Variants in TRAPPC9 observed in about 807,000 individuals in gnomAD.
The protein encoded by TRAPPC9 is trafficking protein particle complex subunit 9, also known as IKK2 binding protein.
In TRAPPC9, 83 loss-of-function variants were observed where a neutral mutation model predicts 124.0. That is an observed-to-expected ratio of 0.67 (90% CI 0.56 to 0.80). TRAPPC9 has a LOEUF of 0.80. Among genes scored for constraint, TRAPPC9 ranks in the 30% least tolerant of loss-of-function variants. The pLI is 0.00. For synonymous variants in TRAPPC9, 638 were observed against 617.5 expected (o/e 1.03, Z -0.49); for missense variants, 1,302 against 1,508.3 (o/e 0.86, Z 2.27).
rs187756634 is a variant in TRAPPC9, at chr8:140,026,742, G to A, written c.2557-2663C>T. 2.6e-5 allele frequency among the ~76,000 whole-genome samples: 4 copies of A among 152,128 alleles called. No homozygotes were observed. In the East Asian group the frequency reaches 5.8e-4, roughly 22 times the overall value. Reference sequence around the variant, plus strand: ...ATATTTCATGACTACATATTGACAGGTTCCCTTCAATATTTGTACTGCCAG... The same window carrying A: ...ATATTTCATGACTACATATTGACAGATTCCCTTCAATATTTGTACTGCCAG... On this transcript the variant is annotated intron_variant, in intron 17 of 22. Coordinates refer to ENST00000438773, the MANE Select transcript of TRAPPC9 (RefSeq NM_001160372.4).
rs7841465 is a variant in TRAPPC9 at position 139,925,846 on chromosome 8, C to T, written c.2811-15546G>A. ...GCACACGCACACACACACACACACA[C>T]GTTTCAGATTTACCTCTGAGTTATG... On this transcript the variant is annotated intron_variant, in intron 19 of 22. Transcript: ENST00000438773. Among the ~76,000 whole-genome samples, 1,168 of 150,216 alleles carry T rather than the reference C, an allele frequency of 7.8e-3. 15 individuals carry two copies. The highest frequency in any genetic ancestry group is 0.027 in the African/African-American group (1,094 of 40,666).
rs1025231232 is a variant in TRAPPC9, at chr8:140,353,961, C to T, written c.1495+6089G>A. Among the ~76,000 whole-genome samples, 4 of 152,160 alleles carry T rather than the reference C, an allele frequency of 2.6e-5. No homozygotes were observed. The highest frequency in any genetic ancestry group is 2.1e-4 in the South Asian group (1 of 4,822). Reference sequence around the variant, plus strand: ...CTCTGACAGCGGCAGGCACAGGGCACGGGGAGCTCCCAGAGGGGGCACTGC... The same window carrying T: ...CTCTGACAGCGGCAGGCACAGGGCATGGGGAGCTCCCAGAGGGGGCACTGC... On this transcript the variant is annotated intron_variant, in intron 9 of 22. Transcript: ENST00000438773. The surrounding 1 kb of genome is among the most constrained non-coding windows in gnomAD (Gnocchi z 4.2).
intron 21 of TRAPPC9, among the ~76,000 whole-genome samples, chr8:139,829,774 TC>T (rs1359240625): frequency 6.6e-6 from 1 of 152,204 alleles, no homozygotes; most frequent in Non-Finnish European, 1.5e-5. Context: ...GGACATCTGC[TC>T]CTTACTGTCT....
intron 5 of TRAPPC9, among the ~76,000 whole-genome samples, chr8:140,423,682 A>ATATACACATATACACATG (rs2070317512): frequency 3.6e-5 from 2 of 54,962 alleles, no homozygotes; most frequent in East Asian, 1.1e-3. Flanking sequence ...ATATACACAT[A>ATATACACATATACACATG]TATACACATA....
At chr8:140,414,388 AC>A (rs1368184671) in intron 5 of TRAPPC9, among the ~76,000 whole-genome samples, 2 of 152,024 alleles carry the variant, frequency 1.3e-5, no homozygotes, top group Admixed American at 6.6e-5. Context: ...CTAAAACTTA[AC>A]CAGGCATGGT....
intron 18 of TRAPPC9, among the ~76,000 whole-genome samples, chr8:140,013,461 G>A (rs749773838): frequency 9.2e-5 from 14 of 152,182 alleles, no homozygotes; most frequent in African/African-American, 2.4e-4. Flanking sequence ...GCCACACATC[G>A]TTCACACTGC....
intron 21 of TRAPPC9, among the ~76,000 whole-genome samples, chr8:139,851,754 C>T (rs1168364716): frequency 6.6e-6 from 1 of 152,194 alleles, no homozygotes; most frequent in Non-Finnish European, 1.5e-5. Flanking sequence ...TGGCTGCATA[C>T]AGTACTTGCT....
At chr8:140,106,124 A>C (rs1197247375) in intron 17 of TRAPPC9, among the ~76,000 whole-genome samples, 2 of 151,934 alleles carry the variant, frequency 1.3e-5, no homozygotes, top group Non-Finnish European at 2.9e-5. Flanking sequence ...GGCTCAGCTC[A>C]ACCTTCAGAA....
intron 14 of TRAPPC9, among the ~76,000 whole-genome samples, chr8:140,282,883 CTTTT>C (rs2131704933): frequency 6.6e-6 from 1 of 152,178 alleles, no homozygotes; most frequent in South Asian, 2.1e-4. Flanking sequence ...CTTTTTCTTT[CTTTT>C]TTATGTTTTC....
chr8:139,802,975 A>G (rs1224689005), intron 21 of TRAPPC9, among the ~76,000 whole-genome samples: 1 of 150,130 alleles, frequency 6.7e-6, no homozygotes, highest in Non-Finnish European at 1.5e-5. Context: ...GTGTGAGTGC[A>G]TTGTGTGCGT....
intron 19 of TRAPPC9, among the ~76,000 whole-genome samples, chr8:139,959,168 A>C (rs1835213925): frequency 6.6e-6 from 1 of 152,246 alleles, no homozygotes; most frequent in South Asian, 2.1e-4. Flanking sequence ...CAGATCATTT[A>C]ACCACAGTTA....
chr8:140,291,211 G>T (rs2065646349), intron 11 of TRAPPC9, 133 bp from the exon 12 acceptor site: 1 of 834,764 alleles, frequency 1.2e-6, no homozygotes, highest in Non-Finnish European at 2.0e-6. Flanking sequence ...TCTTGAGATG[G>T]GTGATTCAAA....
chr8:140,138,410 T>C (rs2061336698), intron 17 of TRAPPC9, among the ~76,000 whole-genome samples: 1 of 152,166 alleles, frequency 6.6e-6, no homozygotes, highest in Admixed American at 6.6e-5. Context: ...CTCTCTGGGC[T>C]CCGGGTTTGT....
At chr8:139,775,829 T>TCTGTC (rs1458025402) in intron 21 of TRAPPC9, among the ~76,000 whole-genome samples, 1 of 152,236 alleles carries the variant, frequency 6.6e-6, no homozygotes. Context: ...TCTGTGGCCA[T>TCTGTC]CTGTCCTTCC....
intron 17 of TRAPPC9, chr8:140,095,891 G>A (rs116140955): frequency 1.6e-4 from 25 of 152,234 alleles, no homozygotes; most frequent in East Asian, 5.8e-4. Flanking sequence ...TGCAGACAAC[G>A]CCTGCGCTCC....
chr8:140,383,748 T>C (rs549214204), intron 7 of TRAPPC9, among the ~76,000 whole-genome samples: 5 of 152,244 alleles, frequency 3.3e-5, no homozygotes, highest in African/African-American at 1.2e-4. Context: ...TGCAGGATAT[T>C]ATCCACAAGA....
At chr8:140,124,584 T>C (rs778961502) in intron 17 of TRAPPC9, among the ~76,000 whole-genome samples, 1 of 152,156 alleles carries the variant, frequency 6.6e-6, no homozygotes, top group Middle Eastern at 3.2e-3. Context: ...CATTACTGCA[T>C]CTACCATGTG....
chr8:140,181,616 A>C (rs1330211121), intron 17 of TRAPPC9, among the ~76,000 whole-genome samples: 1 of 152,068 alleles, frequency 6.6e-6, no homozygotes, highest in African/African-American at 2.4e-5. Context: ...TTATTTTAGA[A>C]TCTCCATGAG....
At chr8:140,321,794 G>A (rs1256902371) in intron 9 of TRAPPC9, among the ~76,000 whole-genome samples, 1 of 152,188 alleles carries the variant, frequency 6.6e-6, no homozygotes, top group Non-Finnish European at 1.5e-5. Context: ...CTGAGGGCAG[G>A]CAGGACAGCT....
Sources: gnomAD v4.1 joint callset for allele counts (sites outside exome capture counted in the v4.1 genomes callset) on GRCh38, gnomAD v4.1.1 for gene constraint, Gnocchi (gnomAD v3.1) non-coding constraint, MANE v1.5 for transcripts, NCBI Gene and HGNC (gene_info 2026-07-23, HGNC 2026-07-21) for gene names.